The following WWOX variants were observed in gnomAD, a reference collection of about 807,000 sequenced individuals.
The protein encoded by WWOX is WW domain-containing oxidoreductase.
WWOX carries 69 observed loss-of-function variants against 46.2 expected under a neutral mutation model. That is an observed-to-expected ratio of 1.49 (90% confidence interval 1.23 to 1.82). The LOEUF (loss-of-function observed/expected upper bound fraction) is 1.82, where lower values mean the gene tolerates loss of function less well. Ranked by LOEUF, WWOX falls within the 40% of genes most tolerant of loss-of-function variation. The pLI, the probability that WWOX is intolerant of heterozygous loss-of-function variation, is 0.00. For missense variants in WWOX, 919 were observed against 542.6 expected (o/e 1.69, Z -6.89); for synonymous variants, 359 against 202.6 (o/e 1.77, Z -6.56).
chr16:78,473,336 G>A lies in WWOX; in HGVS notation c.1056+40584G>A, dbSNP rs57495373. On this transcript the variant is annotated intron_variant, in intron 8 of 8. Coordinates refer to ENST00000566780, the MANE Select transcript of WWOX (RefSeq NM_016373.4). ...GTGGAGACAGGATTTCACCATGTTG[G>A]CCAGGCTAGTCTTGAACTCCTGACC... Among the ~76,000 whole-genome samples the A allele has an allele frequency of 2.2e-3, 342 of 152,158 alleles. 2 individuals carry two copies. The highest frequency in any genetic ancestry group is 7.9e-3 in the African/African-American group (329 of 41,516).
At chr16:78,506,307 G>C (rs1381458578) in intron 8 of WWOX, among the ~76,000 whole-genome samples, 1 of 152,160 alleles carries the variant, frequency 6.6e-6, no homozygotes, top group African/African-American at 2.4e-5. Flanking sequence ...CTTTTGCTTC[G>C]GAAACGAATC....
At chr16:78,835,538 A>T (rs2051954906) in intron 8 of WWOX, among the ~76,000 whole-genome samples, 1 of 152,230 alleles carries the variant, frequency 6.6e-6, no homozygotes, top group African/African-American at 2.4e-5. Context: ...ATCAGCACTT[A>T]AGAATGTTCA....
intron 8 of WWOX, among the ~76,000 whole-genome samples, chr16:79,075,026 C>A (rs949793138): frequency 2.0e-5 from 3 of 152,194 alleles, no homozygotes; most frequent in African/African-American, 7.2e-5. Flanking sequence ...ACCCCAAAGA[C>A]CCCAGAGAAA....
At chr16:78,426,935 T>G (rs2083093460) in intron 7 of WWOX, among the ~76,000 whole-genome samples, 1 of 152,224 alleles carries the variant, frequency 6.6e-6, no homozygotes, top group Non-Finnish European at 1.5e-5. Context: ...GTGCTGTGAT[T>G]ACAGGCGTGA....
chr16:78,371,094 A>G (rs559021684), intron 5 of WWOX, among the ~76,000 whole-genome samples: 14 of 150,558 alleles, frequency 9.3e-5, no homozygotes, highest in African/African-American at 2.7e-4. Context: ...AATCGTTATT[A>G]GAGTGTGTAA....
chr16:78,134,079 T>G (rs576983872), intron 4 of WWOX, among the ~76,000 whole-genome samples: 2 of 152,220 alleles, frequency 1.3e-5, no homozygotes, highest in Non-Finnish European at 1.5e-5. Context: ...GTTTCTCATG[T>G]TGGTTAGGAG....
chr16:78,929,523 G>C (rs1428601658), intron 8 of WWOX, among the ~76,000 whole-genome samples: 1 of 152,244 alleles, frequency 6.6e-6, no homozygotes, highest in South Asian at 2.1e-4. Context: ...ATCCGAGTGG[G>C]ATCTGGGATC....
intron 5 of WWOX, among the ~76,000 whole-genome samples, chr16:78,374,581 G>A (rs1470009348): frequency 8.7e-6 from 1 of 115,110 alleles, no homozygotes; most frequent in African/African-American, 3.5e-5. Flanking sequence ...CAGAGTTTCT[G>A]TCTGTCGCCC....
In WWOX at chr16:78,099,817, C is replaced by G. The variant is rs1173654721; in HGVS notation, c.39C>G (p.Asp13Glu). 1.9e-6 allele frequency: 3 copies of G among 1,578,734 alleles called. No individual in the cohort carries two copies. The highest frequency in any genetic ancestry group is 2.6e-6 in the Non-Finnish European group (3 of 1,163,506). The change falls in exon 1 of 9, where the codon GAC (aspartate) becomes GAG (glutamate). Residue 13 changes from aspartate (D) to glutamate (E), a missense_variant. Coordinates refer to ENST00000566780, the MANE Select transcript of WWOX (RefSeq NM_016373.4). ...GCTACGCGGGGCTGGACGACACGGA[C>G]AGTGAGGACGAGCTGCCTCCGGGCT... The part of the protein sequence containing the change: ...ALRYAGLDDT[D>E]SEDELPPGWE...
In WWOX at chr16:78,803,196, A is replaced by G. The variant is rs377746310; in HGVS notation, c.1056+370444A>G. Among the ~76,000 whole-genome samples the G allele has an allele frequency of 2.6e-4, 39 of 151,912 alleles. No individual in the cohort carries two copies. In the East Asian group the frequency reaches 2.7e-3, roughly 11 times the overall value. ...CAAGTCAGTTCTTAACACAAACCAC[A>G]TAGGTTCTTCCTTAAATAAAAAGCT... On this transcript the variant is annotated intron_variant, in intron 8 of 8. Transcript: ENST00000566780.
At chr16:78,808,495 T>A (rs1407502025) in intron 8 of WWOX, among the ~76,000 whole-genome samples, 1 of 152,244 alleles carries the variant, frequency 6.6e-6, no homozygotes, top group Non-Finnish European at 1.5e-5. Flanking sequence ...ATTTACTAAT[T>A]GATGATTACT....
intron 8 of WWOX, among the ~76,000 whole-genome samples, chr16:78,591,632 G>A (rs868318107): frequency 2.0e-5 from 3 of 152,146 alleles, no homozygotes; most frequent in Non-Finnish European, 4.4e-5. Flanking sequence ...TGAGTTCTCT[G>A]AGTCTCAGCT....
intron 5 of WWOX, among the ~76,000 whole-genome samples, chr16:78,247,520 T>A (rs1026566508): frequency 5.3e-5 from 8 of 152,148 alleles, no homozygotes; most frequent in Non-Finnish European, 8.8e-5. Context: ...TGAATGCAGC[T>A]GATAGGGCCA....
chr16:78,136,959 C>T (rs1403317389), intron 4 of WWOX, among the ~76,000 whole-genome samples: 1 of 152,152 alleles, frequency 6.6e-6, no homozygotes, highest in Non-Finnish European at 1.5e-5. Context: ...TGCAGGAGAG[C>T]AGGGTGTGTG....
At chr16:78,517,880 A>T (rs1166392958) in intron 8 of WWOX, among the ~76,000 whole-genome samples, 860 of 58,462 alleles carry the variant, frequency 0.015, 7 homozygotes, top group African/African-American at 0.049. Flanking sequence ...TTTTTTTTTT[A>T]CTCTGAATGT....
intron 8 of WWOX, among the ~76,000 whole-genome samples, chr16:79,194,293 G>GAA (rs2051194841): frequency 6.6e-6 from 1 of 152,136 alleles, no homozygotes; most frequent in Non-Finnish European, 1.5e-5. Flanking sequence ...GCCTTCAAAG[G>GAA]AAATTTGAGC....
chr16:78,802,923 A>AAAAAAAAC (rs2050929118), intron 8 of WWOX, among the ~76,000 whole-genome samples: 1 of 105,668 alleles, frequency 9.5e-6, no homozygotes, highest in East Asian at 2.3e-4. Flanking sequence ...CTGAAAAAAA[A>AAAAAAAAC]AAAAAAAAAA....
At chr16:78,661,684 G>A (rs2047217309) in intron 8 of WWOX, among the ~76,000 whole-genome samples, 1 of 152,134 alleles carries the variant, frequency 6.6e-6, no homozygotes, top group South Asian at 2.1e-4. Context: ...GGAATGGGGG[G>A]AAAAGCTTCA....
intron 8 of WWOX, among the ~76,000 whole-genome samples, chr16:78,770,978 C>G (rs1417999587): frequency 6.6e-6 from 1 of 152,188 alleles, no homozygotes; most frequent in African/African-American, 2.4e-5. Flanking sequence ...AAAAAGGTGA[C>G]ATTTGGAGCA....
Sources: gnomAD v4.1 joint callset for allele counts (sites outside exome capture counted in the v4.1 genomes callset) on GRCh38, gnomAD v4.1.1 for gene constraint, MANE v1.5 for transcripts, NCBI Gene and HGNC (gene_info 2026-07-23, HGNC 2026-07-21) for gene names.